SLFN12L: variants seen among roughly 807,000 people sequenced by gnomAD.
SLFN12L encodes the protein schlafen family member 12-like.
SLFN12L carries 34 observed loss-of-function variants against 34.8 expected under a neutral mutation model. That is an observed-to-expected ratio of 0.98 (90% CI 0.74 to 1.30). SLFN12L has a LOEUF of 1.30. Among genes scored for constraint, SLFN12L ranks in the 50% most tolerant of loss-of-function variants. The pLI, the probability that SLFN12L is intolerant of heterozygous loss-of-function variation, is 0.00. For missense variants in SLFN12L, 703 were observed against 696.2 expected, an observed-to-expected ratio of 1.01 and a Z score of -0.11; for synonymous variants, 259 against 247.5, an observed-to-expected ratio of 1.05 and a Z score of -0.44.
Position 35,473,182 on chromosome 17 carries a change from A to T in SLFN12L, c.*1741T>A, listed in dbSNP as rs534540245. ...GATTGCCCTGGCCGGAACTTCCAAT[A>T]CTATGTTGAATAGGAGTGGTGAGAG... On this transcript the variant is annotated 3_prime_UTR_variant, in exon 5 of 5. Coordinates refer to ENST00000628453, the MANE Select transcript of SLFN12L (RefSeq NM_001363830.2). Among the ~76,000 whole-genome samples, 7 of 152,292 alleles carry T rather than the reference A, an allele frequency of 4.6e-5. No homozygotes were observed. Among genetic ancestry groups the T allele is most frequent in the African/African-American group, 1.7e-4 (7 of 41,552 alleles).
chr17:35,508,388 C>T (rs1915533632), intron 2 of SLFN12L, among the ~76,000 whole-genome samples: 2 of 152,204 alleles, frequency 1.3e-5, no homozygotes, highest in South Asian at 4.1e-4. Flanking sequence ...ACTCTGTTGC[C>T]CAGGCTGGAG....
chr17:35,510,743 G>GT (rs2142158180), intron 2 of SLFN12L, among the ~76,000 whole-genome samples: 1 of 150,382 alleles, frequency 6.6e-6, no homozygotes, highest in South Asian at 2.1e-4. Flanking sequence ...TTATATCTCA[G>GT]TTTTAAAAAA....
At chr17:35,522,050 C>T (rs1268428709) in intron 2 of SLFN12L, among the ~76,000 whole-genome samples, 2 of 152,010 alleles carry the variant, frequency 1.3e-5, no homozygotes, top group African/African-American at 4.8e-5. Context: ...AGCACACCAG[C>T]ATGGCACATG....
rs1913802622 is a variant in SLFN12L, at chr17:35,471,279, G to A, written c.*3644C>T. ...AGCCTCCCAAGTAGCTGGGATTACA[G>A]ACGCCTACCACCACTCCCAGCTAAT... is the stretch of plus-strand genomic sequence containing the variant. On this transcript the variant is annotated 3_prime_UTR_variant, in exon 5 of 5. Coordinates refer to ENST00000628453, the MANE Select transcript of SLFN12L (RefSeq NM_001363830.2). Among the ~76,000 whole-genome samples the A allele has an allele frequency of 1.3e-5, 2 of 151,970 alleles. No homozygotes were observed. The highest frequency in any genetic ancestry group is 2.9e-5 in the Non-Finnish European group (2 of 67,998).
chr17:35,487,595 C>T, intron 2 of SLFN12L: 1 of 917,524 alleles, frequency 1.1e-6, no homozygotes. Flanking sequence ...CAGCGCGGGC[C>T]CTTAAGCAAC....
chr17:35,511,314 C>G (rs1915636696), intron 2 of SLFN12L, among the ~76,000 whole-genome samples: 1 of 152,180 alleles, frequency 6.6e-6, no homozygotes. Context: ...CATTAATACT[C>G]TGGTCCTCAG....
intron 2 of SLFN12L, chr17:35,490,336 T>TACCTCAGAAAAAAC (rs2142139805): frequency 7.2e-7 from 1 of 1,394,462 alleles, no homozygotes; most frequent in Non-Finnish European, 1.0e-6. Context: ...CTCCAAAATC[T>TACCTCAGAAAAAAC]ACCTCAGAAA....
rs1215872019 is a variant in SLFN12L at position 35,479,462 on chromosome 17, T to C, written c.820A>G (p.Thr274Ala). 3.1e-6 allele frequency: 5 copies of C among 1,614,056 alleles called. No homozygotes were observed. Among genetic ancestry groups the C allele is most frequent in the Non-Finnish European group, 4.2e-6 (5 of 1,180,032 alleles). ...LPQYVSAFAN[T>A]DGGYLFVGLN... ...CCAACGAATAAATATCCTCCATCAG[T>C]ATTTGCAAATGCAGAAACATATTGA... Residue 274 changes from threonine to alanine, a missense_variant, in exon 3 of 5, where the codon ACT becomes GCT. Transcript: ENST00000628453.
intron 2 of SLFN12L, among the ~76,000 whole-genome samples, chr17:35,517,154 T>C (rs868720057): frequency 6.6e-6 from 1 of 152,164 alleles, no homozygotes; most frequent in Admixed American, 6.5e-5. Context: ...GATCTTGGTT[T>C]TTGCCATTCT....
intron 1 of SLFN12L, among the ~76,000 whole-genome samples, chr17:35,524,322 C>T (rs1367866456): frequency 6.6e-6 from 1 of 152,200 alleles, no homozygotes; most frequent in East Asian, 1.9e-4. Context: ...GTGTACCTGC[C>T]TGACAGCTCT....
chr17:35,464,349 C>T lies in SLFN12L; in HGVS notation c.*10574G>A, dbSNP rs1913688271. The T allele has an allele frequency of 6.6e-6, 1 of 152,110 alleles. No individual in the cohort carries two copies. Among genetic ancestry groups the T allele is most frequent in the South Asian group, 2.1e-4 (1 of 4,828 alleles). 9.4% of individuals were successfully genotyped at this position (152,110 alleles called of 1,614,324 possible). A position where few individuals can be genotyped will look rare whatever the true frequency, so the allele number is the denominator to read the frequency against. On this transcript the variant is annotated 3_prime_UTR_variant, in exon 5 of 5. Transcript: ENST00000628453. ...ACATGTGTCATGGGGTTTTGTTATA[C>T]ATATTATTTCATCACCCAGGTATTA...
rs757690000 is a variant in SLFN12L, at chr17:35,480,174, A to G, written c.108T>C (p.Asn36=). ...NFIRKEFLRG[N]GLAAGKMNIS... The stretch of plus-strand genomic sequence containing the variant: ...TGTTCATTTTCCCAGCAGCTAAGCC[A>G]TTTCCACGCAGAAATTCTTTTCTGT... The change falls in exon 3 of 5, where the codon AAT becomes AAC. Residue 36 remains asparagine (N), a synonymous_variant. Transcript: ENST00000628453. The G allele has an allele frequency of 3.1e-6, 5 of 1,591,262 alleles. No individual in the cohort carries two copies. In the South Asian group the frequency reaches 3.4e-5, roughly 11 times the overall value.
intron 2 of SLFN12L, among the ~76,000 whole-genome samples, chr17:35,493,244 G>C (rs1449419730): frequency 6.6e-6 from 1 of 152,198 alleles, no homozygotes; most frequent in South Asian, 2.1e-4. Context: ...GCATTGGGGT[G>C]GGGGAGGGAG....
chr17:35,498,731 C>A, intron 2 of SLFN12L: 1 of 1,415,554 alleles, frequency 7.1e-7, no homozygotes, highest in Non-Finnish European at 9.8e-7. Flanking sequence ...AAGACAGCTA[C>A]AACTACCTTA....
At chr17:35,531,399 G>A (rs759066914) in intron 1 of SLFN12L, among the ~76,000 whole-genome samples, 2 of 152,136 alleles carry the variant, frequency 1.3e-5, no homozygotes, top group South Asian at 2.1e-4. Context: ...TGTCTGATAC[G>A]TGCCTTGTAA....
At chr17:35,481,456 A>C (rs1359889784) in intron 2 of SLFN12L, among the ~76,000 whole-genome samples, 1 of 152,222 alleles carries the variant, frequency 6.6e-6, no homozygotes, top group Non-Finnish European at 1.5e-5. Context: ...AGAAATAGTG[A>C]AAGTACTAAA....
At chr17:35,530,508 G>GAA (rs201455748) in intron 1 of SLFN12L, among the ~76,000 whole-genome samples, 24 of 32,750 alleles carry the variant, frequency 7.3e-4, no homozygotes, top group African/African-American at 1.7e-3. Flanking sequence ...AAGAAAGAAA[G>GAA]AAAGAAAAGA....
chr17:35,481,026 A>G (rs1445076641), intron 2 of SLFN12L, among the ~76,000 whole-genome samples: 1 of 152,208 alleles, frequency 6.6e-6, no homozygotes, highest in African/African-American at 2.4e-5. Flanking sequence ...ACCTAGAAAA[A>G]AACCAGGCCA....
chr17:35,531,694 G>T (rs2072412618), intron 1 of SLFN12L, among the ~76,000 whole-genome samples: 2 of 152,094 alleles, frequency 1.3e-5, no homozygotes, highest in Admixed American at 6.6e-5. Context: ...TCGGTTCACT[G>T]CAACCTCCAT....
Sources: gnomAD v4.1 joint callset for allele counts (sites outside exome capture counted in the v4.1 genomes callset) on GRCh38, gnomAD v4.1.1 for gene constraint, MANE v1.5 for transcripts, NCBI Gene and HGNC (gene_info 2026-07-23, HGNC 2026-07-21) for gene names.